KCNK2: variants seen among roughly 807,000 people sequenced by gnomAD.
The protein encoded by KCNK2 is potassium channel subfamily K member 2.
In KCNK2, 21 loss-of-function variants were observed where a neutral mutation model predicts 40.5. The observed-to-expected ratio is 0.52, with a 90% CI of 0.37 to 0.75. The LOEUF (loss-of-function observed/expected upper bound fraction) is 0.75. Among genes scored for constraint, KCNK2 ranks in the 30% least tolerant of loss-of-function variants. The pLI is 0.00. For synonymous variants in KCNK2, 191 were observed against 202.2 expected, an observed-to-expected ratio of 0.94 and a Z score of 0.47; for missense variants, 399 against 531.6, an observed-to-expected ratio of 0.75 and a Z score of 2.45.
chr1:215,230,583 C>T (rs7543917), intron 6 of KCNK2, among the ~76,000 whole-genome samples: 259 of 14,000 alleles, frequency 0.018, 8 homozygotes, highest in African/African-American at 0.035. Context: ...TATACAAGAC[C>T]GTAATATATA....
chr1:215,185,028 T>C (rs1664376946), intron 5 of KCNK2, among the ~76,000 whole-genome samples: 1 of 152,160 alleles, frequency 6.6e-6, no homozygotes. Flanking sequence ...CATAGTATCA[T>C]AGGAGAATAG....
At chr1:215,105,685 C>T (rs1043920087) in intron 2 of KCNK2, among the ~76,000 whole-genome samples, 1 of 152,000 alleles carries the variant, frequency 6.6e-6, no homozygotes, top group African/African-American at 2.4e-5. Context: ...TTACTGATCC[C>T]ATCACCCAGG....
At chr1:215,094,534 C>T (rs926082954) in intron 2 of KCNK2, among the ~76,000 whole-genome samples, 13 of 152,080 alleles carry the variant, frequency 8.5e-5, no homozygotes, top group Non-Finnish European at 7.4e-5. Context: ...TCCTAGGACT[C>T]CCCCACGTGC....
chr1:215,074,120 C>T (rs530682141), intron 1 of KCNK2, among the ~76,000 whole-genome samples: 1 of 152,210 alleles, frequency 6.6e-6, no homozygotes, highest in Admixed American at 6.5e-5. Flanking sequence ...TTGGGGAGAT[C>T]ACACAACCAT....
intron 1 of KCNK2, among the ~76,000 whole-genome samples, chr1:215,084,193 C>CACACAT (rs1659318487): frequency 8.1e-6 from 1 of 122,966 alleles, no homozygotes; most frequent in African/African-American, 3.3e-5. Flanking sequence ...CACACACACA[C>CACACAT]ACACACACAC....
chr1:215,235,329 T>C lies in KCNK2; in HGVS notation c.*184T>C. ...TTCTGAGCCAGCACTTTCTTTCTGA[T>C]GATGCTTGTTGAACGGTCCACTTTC... On this transcript the variant is annotated 3_prime_UTR_variant, in exon 7 of 7. Coordinates refer to ENST00000444842, the MANE Select transcript of KCNK2 (RefSeq NM_001017425.3). 1 of 549,706 alleles carries C rather than the reference T, an allele frequency of 1.8e-6. No homozygotes were observed. Among genetic ancestry groups the C allele is most frequent in the Non-Finnish European group, 3.2e-6 (1 of 310,874 alleles). The allele number at this position is 549,706 out of a possible 1,614,324, so 34.1% of individuals were successfully genotyped here.
At chr1:215,201,128 G>GAGAC (rs1217074390) in intron 6 of KCNK2, among the ~76,000 whole-genome samples, 2 of 152,136 alleles carry the variant, frequency 1.3e-5, no homozygotes, top group South Asian at 2.1e-4. Flanking sequence ...GTGGGATGTG[G>GAGAC]AGACTATTTA....
chr1:215,083,422 A>G lies in KCNK2; in HGVS notation c.37A>G (p.Arg13Gly). The change falls in exon 1 of 7, where the codon AGA becomes GGA. Residue 13 changes from arginine to glycine, a missense_variant. This residue lies in a region of KCNK2 where 279 missense variants were observed against 353.8 expected (regional missense o/e 0.79). Coordinates refer to ENST00000444842, the MANE Select transcript of KCNK2 (RefSeq NM_001017425.3). ...CGCCTCGCGGGAGAGACCCGGCTATAGAGCAGGAGGTGAGACCCCCCCTCC... is the reference window on the plus strand; with the variant it reads ...CGCCTCGCGGGAGAGACCCGGCTATGGAGCAGGAGGTGAGACCCCCCCTCC... Reference protein sequence around the residue: ...PSASRERPGYRAGVAAPDLLD... With the variant: ...PSASRERPGYGAGVAAPDLLD... The G allele has an allele frequency of 1.9e-6, 3 of 1,613,428 alleles. No individual in the cohort carries two copies. Among genetic ancestry groups the G allele is most frequent in the South Asian group, 1.1e-5 (1 of 91,042 alleles).
rs1277204508 is a variant in KCNK2, at chr1:215,083,279, G to A, written c.-107G>A. On this transcript the variant is annotated 5_prime_UTR_variant, in exon 1 of 7. Coordinates refer to ENST00000444842, the MANE Select transcript of KCNK2 (RefSeq NM_001017425.3). ...GGGAAAATGCCTGCCCGTGCAGCTC[G>A]GAGCGCGCAGCCCGTCTCTGAATAA... is the stretch of plus-strand genomic sequence containing the variant. 1 of 1,571,064 alleles carries A rather than the reference G, an allele frequency of 6.4e-7. No individual in the cohort carries two copies.
At chr1:215,162,828 C>G (rs1377164913) in intron 3 of KCNK2, among the ~76,000 whole-genome samples, 1 of 149,452 alleles carries the variant, frequency 6.7e-6, no homozygotes, top group Non-Finnish European at 1.5e-5. Context: ...GTTACTATAG[C>G]CTTGCAGTAT....
rs777377008 is a variant in KCNK2 at position 215,083,321 on chromosome 1, C to T, written c.-65C>T. ...TCTGAATAAGAAGTGAGTACAATGG[C>T]GTGTTTGTAAAAAAAAGCTTCAAGT... On this transcript the variant is annotated 5_prime_UTR_variant, in exon 1 of 7. Transcript: ENST00000444842. 1.9e-5 allele frequency: 30 copies of T among 1,612,270 alleles called. No homozygotes were observed. Among genetic ancestry groups the T allele is most frequent in the Non-Finnish European group, 2.2e-5 (26 of 1,179,080 alleles).
intron 1 of KCNK2, chr1:215,083,635 C>A: frequency 1.6e-6 from 1 of 606,386 alleles, no homozygotes; most frequent in African/African-American, 1.8e-5. Context: ...CCTCTCCCGC[C>A]GGTGCCCGGG....
At chr1:215,028,072 T>G (rs575030754) in intron 1 of KCNK2, among the ~76,000 whole-genome samples, 1 of 152,290 alleles carries the variant, frequency 6.6e-6, no homozygotes, top group African/African-American at 2.4e-5. Flanking sequence ...ATTAACATAT[T>G]TATCTAATTT....
At chr1:215,070,316 T>A (rs1215494177) in intron 1 of KCNK2, among the ~76,000 whole-genome samples, 1 of 147,286 alleles carries the variant, frequency 6.8e-6, no homozygotes, top group African/African-American at 2.5e-5. Context: ...CTTGGGAGGC[T>A]GAGGCAGGAG....
At chr1:215,185,424 G>T (rs1369681061) in intron 5 of KCNK2, among the ~76,000 whole-genome samples, 1 of 152,128 alleles carries the variant, frequency 6.6e-6, no homozygotes, top group East Asian at 1.9e-4. Flanking sequence ...TGTGGCAACG[G>T]CTGGGTAGCA....
At chr1:215,210,027 TATA>T (rs1558141637) in intron 6 of KCNK2, among the ~76,000 whole-genome samples, 1 of 32,796 alleles carries the variant, frequency 3.0e-5, no homozygotes, top group African/African-American at 1.2e-4. Context: ...TAATATATAT[TATA>T]TATAATATAT....
intron 6 of KCNK2, among the ~76,000 whole-genome samples, chr1:215,209,485 A>T (rs1428955986): frequency 9.7e-4 from 1 of 1,028 alleles, no homozygotes; most frequent in African/African-American, 2.3e-3. Context: ...ATTATATATA[A>T]TACATATATA....
At chr1:215,108,374 T>C (rs1273992457) in intron 2 of KCNK2, among the ~76,000 whole-genome samples, 3 of 152,272 alleles carry the variant, frequency 2.0e-5, no homozygotes, top group East Asian at 1.9e-4. Context: ...TTGGTATCCA[T>C]GGGTTGAGGA....
intron 1 of KCNK2, among the ~76,000 whole-genome samples, chr1:215,062,123 C>T (rs1021591160): frequency 1.3e-5 from 2 of 152,046 alleles, no homozygotes; most frequent in African/African-American, 4.8e-5. Context: ...CAATACATGG[C>T]TTTCATTAAA....
Sources: gnomAD v4.1 joint callset for allele counts (sites outside exome capture counted in the v4.1 genomes callset) on GRCh38, gnomAD v4.1.1 for gene constraint, gnomAD v4.1.1 regional missense constraint, MANE v1.5 for transcripts, NCBI Gene and HGNC (gene_info 2026-07-23, HGNC 2026-07-21) for gene names.